The following GRHPR variants were observed in gnomAD, a reference collection of about 807,000 sequenced individuals.
The protein encoded by GRHPR is glyoxylate and hydroxypyruvate reductase, also known as glyoxylate reductase/hydroxypyruvate reductase.
A neutral mutation model predicts 36.8 loss-of-function variants in GRHPR; 35 were observed. That is an observed-to-expected ratio of 0.95 (90% confidence interval 0.73 to 1.26). The LOEUF (loss-of-function observed/expected upper bound fraction) is 1.26, where lower values mean the gene tolerates loss of function less well. GRHPR is among the 50% of genes most tolerant of loss of function. The pLI, the probability that GRHPR is intolerant of heterozygous loss-of-function variation, is 0.00. For synonymous variants in GRHPR, 179 were observed against 181.0 expected (o/e 0.99, Z 0.09); for missense variants, 380 against 435.0 (o/e 0.87, Z 1.12).
At chr9:37,430,902 C>A (rs773936979) in intron 7 of GRHPR, 96 of 599,394 alleles carry the variant, frequency 1.6e-4, no homozygotes, top group Non-Finnish European at 2.8e-4. Flanking sequence ...CACACAGCAG[C>A]GTGGCTTCAG....
chr9:37,436,608 A>C, intron 8 of GRHPR, 53 bp from the exon 9 acceptor site: 1 of 1,609,046 alleles, frequency 6.2e-7, no homozygotes, highest in Non-Finnish European at 8.5e-7. Flanking sequence ...GCCCAGCTGA[A>C]GGCTGCTGAA....
intron 7 of GRHPR, chr9:37,431,742 C>G: frequency 2.4e-6 from 1 of 417,298 alleles, no homozygotes; most frequent in Non-Finnish European, 4.5e-6. Flanking sequence ...CTCCTTATCT[C>G]ACAGAGTAGA....
intron 7 of GRHPR, chr9:37,431,103 C>T (rs1445296327): frequency 2.2e-6 from 1 of 461,448 alleles, no homozygotes; most frequent in Non-Finnish European, 4.5e-6. Context: ...GGTCGTAGCT[C>T]CTCACACTGT....
chr9:37,433,516 G>GCCTGTAATTGTCCGGCCA (rs1479524889), intron 8 of GRHPR, among the ~76,000 whole-genome samples: 2 of 152,162 alleles, frequency 1.3e-5, no homozygotes, highest in Non-Finnish European at 2.9e-5. Context: ...TTACAGGCAT[G>GCCTGTAATTGTCCGGCCA]AGTGTCCGGC....
At chr9:37,423,171 T>TC (rs1822918303) in intron 1 of GRHPR, among the ~76,000 whole-genome samples, 1 of 150,202 alleles carries the variant, frequency 6.7e-6, no homozygotes, top group East Asian at 1.9e-4. Context: ...CTTATCTTTT[T>TC]TTTTTTTTTT....
chr9:37,437,490 A>G (rs547678342), downstream of GRHPR, among the ~76,000 whole-genome samples: 3 of 152,096 alleles, frequency 2.0e-5, no homozygotes, highest in Non-Finnish European at 2.9e-5. Context: ...TGATACCTAG[A>G]CCATCAGGAA....
upstream of GRHPR, chr9:37,422,679 C>T (rs1822882975): frequency 1.6e-6 from 2 of 1,254,402 alleles, no homozygotes; most frequent in South Asian, 1.3e-5. Flanking sequence ...CCAGCCTGGC[C>T]CCGCCCCGGC....
At position 37,436,774 on chromosome 9, in the gene GRHPR, A is replaced by T; in HGVS notation, c.979A>T (p.Lys327Ter). The change falls in exon 9 of 9, where the codon AAG (lysine) becomes TAG (stop). Residue 327 changes from lysine (K) to a stop codon, truncating the protein, a stop_gained. Transcript: ENST00000318158. LOFTEE classifies it high-confidence loss of function. ...AGGGGAGCCGATGCCTAGTGAACTC[A>T]AGCTGTAGCCAAACAGTAGAGATGG... ...LRGEPMPSELKL is the reference protein window; with the variant it reads ...LRGEPMPSEL 2 of 1,614,006 alleles carry T rather than the reference A, an allele frequency of 1.2e-6. No individual in the cohort carries two copies. Among genetic ancestry groups the T allele is most frequent in the Non-Finnish European group, 1.7e-6 (2 of 1,179,934 alleles).
chr9:37,423,882 G>A (rs1822956067), intron 1 of GRHPR, among the ~76,000 whole-genome samples: 1 of 152,182 alleles, frequency 6.6e-6, no homozygotes, highest in African/African-American at 2.4e-5. Context: ...AATTCCCATT[G>A]CACAGATTAA....
At position 37,426,567 on chromosome 9, in the gene GRHPR, T is replaced by A; in HGVS notation, c.317T>A (p.Val106Asp). 6.2e-7 allele frequency: 1 copy of A among 1,613,444 alleles called. No homozygotes were observed. The highest frequency in any genetic ancestry group is 8.5e-7 in the Non-Finnish European group (1 of 1,179,422). Reference protein sequence around the residue: ...RGIRVGYTPDVLTDTTAELAV... With the variant: ...RGIRVGYTPDDLTDTTAELAV... ...ATCCGAGTTGGCTACACCCCAGATG[T>A]CCTGACAGATACCACCGCCGAACTC... The change falls in exon 4 of 9, where the codon GTC becomes GAC. Residue 106 changes from valine to aspartate, a missense_variant. By Grantham distance (152) the Val-to-Asp change is radical. Coordinates refer to ENST00000318158, the MANE Select transcript of GRHPR (RefSeq NM_012203.2).
chr9:37,436,011 C>T (rs1050026945), intron 8 of GRHPR, among the ~76,000 whole-genome samples: 2 of 152,146 alleles, frequency 1.3e-5, no homozygotes, highest in East Asian at 1.9e-4. Context: ...TTCAGCATTT[C>T]ATTTTGGAGT....
intron 8 of GRHPR, chr9:37,434,509 G>A (rs1823540712): frequency 6.5e-6 from 3 of 464,706 alleles, no homozygotes; most frequent in Non-Finnish European, 1.2e-5. Flanking sequence ...AGAGGTAGAG[G>A]AAAAGCCCGC....
In GRHPR at chr9:37,422,740, C is replaced by T; in HGVS notation, c.-11C>T. ...TGTACTGCCAGGTCCGGGTCGGCGG[C>T]TGCACTGCGGATGAGACCGGTGCGA... is the stretch of plus-strand genomic sequence containing the variant. On this transcript the variant is annotated 5_prime_UTR_variant, in exon 1 of 9. Coordinates refer to ENST00000318158, the MANE Select transcript of GRHPR (RefSeq NM_012203.2). The T allele has an allele frequency of 1.3e-6, 2 of 1,569,980 alleles. No individual in the cohort carries two copies. Among genetic ancestry groups the T allele is most frequent in the Non-Finnish European group, 1.7e-6 (2 of 1,158,144 alleles).
intron 1 of GRHPR, among the ~76,000 whole-genome samples, chr9:37,423,234 C>G (rs1361667316): frequency 6.7e-6 from 1 of 149,114 alleles, no homozygotes; most frequent in Non-Finnish European, 1.5e-5. Context: ...CTCGATCGAT[C>G]GTGGCTTACT....
chr9:37,429,342 A>G (rs938123526), intron 5 of GRHPR: 1 of 319,928 alleles, frequency 3.1e-6, no homozygotes, highest in African/African-American at 2.1e-5. Context: ...GGGGTCTGAG[A>G]CTGCATTCAC....
downstream of GRHPR, chr9:37,439,242 G>A (rs2118925301): frequency 6.6e-6 from 1 of 152,334 alleles, no homozygotes; most frequent in Admixed American, 6.5e-5. Context: ...GGTGAGGCTG[G>A]GGAAGTGAGG....
downstream of GRHPR, chr9:37,437,025 G>C: frequency 2.2e-6 from 1 of 460,526 alleles, no homozygotes; most frequent in Non-Finnish European, 4.0e-6. Flanking sequence ...AAGCTAACAA[G>C]TGGATATGGC....
intron 8 of GRHPR, 97 bp downstream of exon 8, chr9:37,432,235 CAGGTGTTGAACCCAA>C: frequency 1.6e-6 from 2 of 1,235,148 alleles, no homozygotes; most frequent in Non-Finnish European, 2.4e-6. Context: ...CTAGTGTGAG[CAGGTGTTGAACCCAA>C]AGGGACACAC....
rs1190393139 is a variant in GRHPR, at chr9:37,428,558, G to A, written c.479G>A (p.Gly160Glu). ...GLTQSTVGII[G>E]LGRIGQAIAR... is the part of the protein sequence containing the mutation. ...ACGCAGAGCACTGTCGGCATCATCG[G>A]GCTGGGGCGCATAGGTGAGGCTCCC... The change falls in exon 5 of 9, where the codon GGG becomes GAG. Residue 160 changes from glycine to glutamate, a missense_variant. Transcript: ENST00000318158. The A allele has an allele frequency of 1.2e-6, 2 of 1,609,094 alleles. No individual in the cohort carries two copies. Among genetic ancestry groups the A allele is most frequent in the East Asian group, 2.2e-5 (1 of 44,878 alleles).
Sources: allele counts gnomAD v4.1 joint callset (sites outside exome capture counted in the v4.1 genomes callset), GRCh38; gene constraint gnomAD v4.1.1; transcripts MANE v1.5; gene names NCBI Gene and HGNC (gene_info 2026-07-23, HGNC 2026-07-21).